The following SLC15A1 variants were observed in gnomAD, a reference collection of about 807,000 sequenced individuals.
SLC15A1 encodes the protein Caco-2 oligopeptide transporter.
SLC15A1 carries 83 observed loss-of-function variants against 92.9 expected under a neutral mutation model. That is an observed-to-expected ratio of 0.89 (90% CI 0.75 to 1.07). The LOEUF is 1.07. Among genes scored for constraint, SLC15A1 ranks in the 50% least tolerant of loss-of-function variants. The probability of loss-of-function intolerance (pLI) is 0.00; values close to 1 mark genes in which losing one functional copy is unlikely to be tolerated. For missense variants in SLC15A1, 857 were observed against 880.1 expected, an observed-to-expected ratio of 0.97 and a Z score of 0.33; for synonymous variants, 322 against 318.2, an observed-to-expected ratio of 1.01 and a Z score of -0.13.
intron 1 of SLC15A1, among the ~76,000 whole-genome samples, chr13:98,728,398 G>A (rs973057283): frequency 6.6e-6 from 1 of 152,114 alleles, no homozygotes; most frequent in Non-Finnish European, 1.5e-5. Flanking sequence ...GTTGGATCTT[G>A]TCATTTGCAG....
chr13:98,744,240 CAAAAAAAAAAA>C (rs898374872), intron 1 of SLC15A1, among the ~76,000 whole-genome samples: 3 of 42,368 alleles, frequency 7.1e-5, no homozygotes, highest in Non-Finnish European at 9.3e-5. Flanking sequence ...GACTCTGTCT[CAAAAAAAAAAA>C]AAAAAAAAAA....
At chr13:98,707,893 A>ATTT (rs1566447941) in intron 15 of SLC15A1, among the ~76,000 whole-genome samples, 2 of 30,642 alleles carry the variant, frequency 6.5e-5, no homozygotes, top group African/African-American at 1.9e-4. Context: ...ACCCTGTTTA[A>ATTT]AAAAAAAAAA....
chr13:98,717,773 G>A (rs1379710266), intron 8 of SLC15A1, among the ~76,000 whole-genome samples: 2 of 152,168 alleles, frequency 1.3e-5, no homozygotes, highest in Non-Finnish European at 2.9e-5. Context: ...ACTAAGATCT[G>A]AAAACAAAAA....
chr13:98,703,019 C>T (rs918862196), intron 17 of SLC15A1, among the ~76,000 whole-genome samples: 7 of 149,424 alleles, frequency 4.7e-5, no homozygotes, highest in Non-Finnish European at 7.4e-5. Context: ...GTTTCTGGGC[C>T]AGGCATGGTG....
chr13:98,715,659 A>G (rs184186342), intron 9 of SLC15A1, among the ~76,000 whole-genome samples: 1 of 152,296 alleles, frequency 6.6e-6, no homozygotes, highest in Non-Finnish European at 1.5e-5. Flanking sequence ...TTCTTTGACC[A>G]TTGATCTTAT....
chr13:98,694,521 AATAT>A (rs200913732), intron 18 of SLC15A1, among the ~76,000 whole-genome samples: 2,704 of 152,328 alleles, frequency 0.018, 33 homozygotes, highest in Admixed American at 0.026. Context: ...GCATGCTCAA[AATAT>A]TTTCATTACA....
Position 98,704,428 on chromosome 13 carries a change from G to GC in SLC15A1, c.1276dup (p.Ala426GlyfsTer6). On this transcript the variant is annotated frameshift_variant, in exon 17 of 23. Transcript: ENST00000376503. LOFTEE classifies it high-confidence loss of function. ...TTTGTTTACATCAAAAGTCATAAATGCATTTGTCTATAGAGGGAGGGAAAG... is the reference window on the plus strand; with the variant it reads ...TTTGTTTACATCAAAAGTCATAAATGCCATTTGTCTATAGAGGGAGGGAAAG... 3 of 1,612,844 alleles carry GC rather than the reference G, an allele frequency of 1.9e-6. No homozygotes were observed. Among genetic ancestry groups the GC allele is most frequent in the Non-Finnish European group, 2.5e-6 (3 of 1,179,410 alleles).
chr13:98,693,498 G>A (rs1260094653), intron 18 of SLC15A1, among the ~76,000 whole-genome samples: 1 of 152,136 alleles, frequency 6.6e-6, no homozygotes, highest in Non-Finnish European at 1.5e-5. Context: ...ATATTCATAT[G>A]CTTATTGACT....
rs750866916 is a variant in SLC15A1, at chr13:98,706,198, A to G, written c.1205T>C (p.Ile402Thr). ...GNEVQIKVLN[I>T]GNNTMNISLP... ...AGATATATTCATGGTATTGTTTCCT[A>G]TATTCAAAACTTTAATTTGGACTTC... Residue 402 changes from isoleucine (I) to threonine (T), a missense_variant, in exon 16 of 23, where the codon ATA (isoleucine) becomes ACA (threonine). Transcript: ENST00000376503. The G allele has an allele frequency of 1.2e-6, 2 of 1,613,648 alleles. No homozygotes were observed. Among genetic ancestry groups the G allele is most frequent in the Non-Finnish European group, 1.7e-6 (2 of 1,179,780 alleles).
chr13:98,703,354 C>T (rs1336825917), intron 17 of SLC15A1, among the ~76,000 whole-genome samples: 1 of 152,032 alleles, frequency 6.6e-6, no homozygotes, highest in Non-Finnish European at 1.5e-5. Context: ...GGTGCTTCCA[C>T]AGAACACTAC....
intron 6 of SLC15A1, 56 bp downstream of exon 6, chr13:98,721,748 T>C (rs1234267722): frequency 2.0e-6 from 3 of 1,534,044 alleles, no homozygotes; most frequent in Non-Finnish European, 2.7e-6. Context: ...CCGTGGCCTC[T>C]GACTCCTGGA....
intron 8 of SLC15A1, among the ~76,000 whole-genome samples, chr13:98,718,433 C>T (rs891339697): frequency 6.7e-6 from 1 of 149,102 alleles, no homozygotes; most frequent in Non-Finnish European, 1.5e-5. Context: ...AATCCTTCCA[C>T]TTAAGCTTCC....
intron 16 of SLC15A1, among the ~76,000 whole-genome samples, chr13:98,705,703 C>A (rs2139576347): frequency 1.3e-5 from 2 of 152,144 alleles, no homozygotes; most frequent in East Asian, 3.9e-4. Context: ...ACCAGCCTGG[C>A]CAACATGGCA....
chr13:98,735,915 C>T (rs867781718), intron 1 of SLC15A1, among the ~76,000 whole-genome samples: 2 of 152,138 alleles, frequency 1.3e-5, no homozygotes, highest in Middle Eastern at 3.2e-3. Flanking sequence ...GGACATACTG[C>T]CCAAGGTAAT....
At position 98,688,543 on chromosome 13, in the gene SLC15A1, T is replaced by C. The variant is rs369188126; in HGVS notation, c.1501A>G (p.Thr501Ala). ...VNTFNELITI[T>A]MSGKVYANIS... ...TTTGCATAAACTTTCCCACTCATTG[T>C]GATGGTGATGAGCTCGTTAAAAGTA... The change falls in exon 19 of 23, where the codon ACA becomes GCA. Residue 501 changes from threonine to alanine, a missense_variant. Transcript: ENST00000376503. 3 of 1,613,950 alleles carry C rather than the reference T, an allele frequency of 1.9e-6. No individual in the cohort carries two copies. In the African/African-American group the frequency reaches 4.0e-5, roughly 22 times the overall value.
chr13:98,746,910 G>T (rs1246155687), intron 1 of SLC15A1, among the ~76,000 whole-genome samples: 1 of 152,148 alleles, frequency 6.6e-6, no homozygotes, highest in Non-Finnish European at 1.5e-5. Context: ...GGAAGACCCT[G>T]TCCCTGTGCC....
chr13:98,694,123 T>G (rs1452655792), intron 18 of SLC15A1, among the ~76,000 whole-genome samples: 1 of 152,214 alleles, frequency 6.6e-6, no homozygotes, highest in African/African-American at 2.4e-5. Flanking sequence ...GGTTGAAAGC[T>G]TCACAATATA....
chr13:98,687,459 T>A lies in SLC15A1; in HGVS notation c.1827+122A>T, dbSNP rs973386206. The A allele has an allele frequency of 7.7e-6, 9 of 1,164,438 alleles. No individual in the cohort carries two copies. The African/African-American group carries it at 9.3e-5, about 12-fold the overall frequency. The allele number at this position is 1,164,438 out of a possible 1,614,324, so 72.1% of individuals were successfully genotyped here. A position where few individuals can be genotyped will look rare whatever the true frequency, so the allele number is the denominator to read the frequency against. On this transcript the variant is annotated intron_variant, in intron 21 of 22. Coordinates refer to ENST00000376503, the MANE Select transcript of SLC15A1 (RefSeq NM_005073.4). ...CTCAGAGACCTTGCTGTAGGGAAGA[T>A]ACCATAATGCTTTCTAGACTTTTTA...
intron 8 of SLC15A1, 142 bp from the exon 9 acceptor site, chr13:98,716,102 C>G: frequency 1.4e-6 from 1 of 706,052 alleles, no homozygotes; most frequent in Non-Finnish European, 2.5e-6. Context: ...TCCAACCTCA[C>G]AGTTTAGAAA....
Sources: gnomAD v4.1 joint callset for allele counts (sites outside exome capture counted in the v4.1 genomes callset) on GRCh38, gnomAD v4.1.1 for gene constraint, MANE v1.5 for transcripts, NCBI Gene and HGNC (gene_info 2026-07-23, HGNC 2026-07-21) for gene names.